The following DNAJC15 variants were observed in gnomAD, a reference collection of about 807,000 sequenced individuals.
The protein encoded by DNAJC15 is dnaJ homolog subfamily C member 15.
Under a neutral mutation model 22.4 loss-of-function variants are expected in DNAJC15, and 27 were observed. The observed-to-expected ratio is 1.20, with a 90% CI of 0.89 to 1.66. DNAJC15 has a LOEUF of 1.66. DNAJC15 is among the 40% of genes most tolerant of loss of function. The probability of loss-of-function intolerance (pLI) is 0.00; values close to 1 mark genes in which losing one functional copy is unlikely to be tolerated. For synonymous variants in DNAJC15, 79 were observed against 63.2 expected, an observed-to-expected ratio of 1.25 and a Z score of -1.19; for missense variants, 208 against 187.1, an observed-to-expected ratio of 1.11 and a Z score of -0.65.
chr13:43,090,370 G>A lies in DNAJC15; in HGVS notation c.382+4532G>A, dbSNP rs181959824. Among the ~76,000 whole-genome samples, 3 of 152,332 alleles carry A rather than the reference G, an allele frequency of 2.0e-5. No individual in the cohort carries two copies. The East Asian group carries it at 5.8e-4, about 29-fold the overall frequency. On this transcript the variant is annotated intron_variant, in intron 5 of 5. Coordinates refer to ENST00000379221, the MANE Select transcript of DNAJC15 (RefSeq NM_013238.3). ...ACTTCTAAGTTGGGTTTCAGTTTGT[G>A]TAAGTACTAAGTTAGGTTGTAGTTC...
intron 5 of DNAJC15, among the ~76,000 whole-genome samples, chr13:43,095,357 G>T (rs1287149250): frequency 1.3e-5 from 2 of 152,158 alleles, no homozygotes; most frequent in Admixed American, 1.3e-4. Flanking sequence ...ACTGAAATGG[G>T]GATGATCTAG....
intron 1 of DNAJC15, among the ~76,000 whole-genome samples, chr13:43,033,041 C>A (rs1257304437): frequency 6.6e-6 from 1 of 152,102 alleles, no homozygotes; most frequent in East Asian, 1.9e-4. Context: ...GTGCTGCATA[C>A]CCCCAGAAAA....
intron 1 of DNAJC15, among the ~76,000 whole-genome samples, chr13:43,056,876 C>A (rs1266541252): frequency 1.3e-5 from 2 of 152,096 alleles, no homozygotes. Context: ...CTTTTGCTAC[C>A]CCTTTATCTT....
chr13:43,040,370 CTTTTTGACTT>C (rs1406932532), intron 1 of DNAJC15, among the ~76,000 whole-genome samples: 1 of 152,132 alleles, frequency 6.6e-6, no homozygotes, highest in Non-Finnish European at 1.5e-5. Context: ...ATTTTTGTCT[CTTTTTGACTT>C]ACCTGTTTAT....
rs1272329661 is a variant in DNAJC15, at chr13:43,085,791, T to C, written c.335T>C (p.Ile112Thr). Residue 112 changes from isoleucine to threonine, a missense_variant, in exon 5 of 6, where the codon ATT becomes ACT. By Grantham distance (89) the Ile-to-Thr change is moderately conservative. Transcript: ENST00000379221. Reference protein sequence around the residue: ...GVSPSAGKAKIRTAHRRVMIL... With the variant: ...GVSPSAGKAKTRTAHRRVMIL... ...AGCCCATCTGCTGGCAAGGCTAAGATTAGAACAGCTCATAGGAGAGTCATG... is the reference window on the plus strand; with the variant it reads ...AGCCCATCTGCTGGCAAGGCTAAGACTAGAACAGCTCATAGGAGAGTCATG... 2 of 1,613,394 alleles carry C rather than the reference T, an allele frequency of 1.2e-6. No individual in the cohort carries two copies. The highest frequency in any genetic ancestry group is 1.3e-5 in the African/African-American group (1 of 74,910).
chr13:43,105,533 G>A (rs1414943582), intron 5 of DNAJC15, among the ~76,000 whole-genome samples: 2 of 152,084 alleles, frequency 1.3e-5, no homozygotes, highest in Non-Finnish European at 2.9e-5. Flanking sequence ...AGAATTCAAC[G>A]TTATTCTGAA....
At chr13:43,071,386 C>A (rs181709527) in intron 3 of DNAJC15, among the ~76,000 whole-genome samples, 25 of 152,230 alleles carry the variant, frequency 1.6e-4, no homozygotes, top group African/African-American at 6.0e-4. Context: ...TAAGAAACTT[C>A]GCCTTCAATA....
chr13:43,055,614 T>C (rs2040526899), intron 1 of DNAJC15, among the ~76,000 whole-genome samples: 1 of 152,188 alleles, frequency 6.6e-6, no homozygotes, highest in African/African-American at 2.4e-5. Context: ...ATTTGGATCT[T>C]CTCTCTTCTT....
At chr13:43,061,726 T>C (rs142711414) in intron 1 of DNAJC15, among the ~76,000 whole-genome samples, 1 of 152,380 alleles carries the variant, frequency 6.6e-6, no homozygotes, top group East Asian at 1.9e-4. Flanking sequence ...AACTCACTTA[T>C]CACCAAGGGA....
chr13:43,034,035 A>AG (rs2040415958), intron 1 of DNAJC15, among the ~76,000 whole-genome samples: 1 of 151,574 alleles, frequency 6.6e-6, no homozygotes, highest in Non-Finnish European at 1.5e-5. Context: ...TCTCAAAAAA[A>AG]AAAAAAAAAG....
chr13:43,047,387 G>A (rs761242066), intron 1 of DNAJC15, among the ~76,000 whole-genome samples: 39 of 152,152 alleles, frequency 2.6e-4, no homozygotes, highest in Admixed American at 6.5e-4. Flanking sequence ...AGAGGTGAGT[G>A]AAGAAAGCTT....
chr13:43,065,848 A>G (rs1164710713), intron 2 of DNAJC15, 111 bp downstream of exon 2: 2 of 867,156 alleles, frequency 2.3e-6, no homozygotes, highest in East Asian at 2.5e-5. Context: ...TTTCAGACAT[A>G]ATACATTCTC....
chr13:43,085,381 A>C (rs560060223), intron 4 of DNAJC15, among the ~76,000 whole-genome samples: 5 of 151,738 alleles, frequency 3.3e-5, no homozygotes, highest in African/African-American at 7.3e-5. Context: ...GGGGGGGGAA[A>C]GTCCAGCAGT....
intron 3 of DNAJC15, among the ~76,000 whole-genome samples, chr13:43,070,978 C>T (rs927917019): frequency 2.6e-5 from 4 of 152,108 alleles, no homozygotes; most frequent in African/African-American, 9.7e-5. Context: ...GACACAGTAA[C>T]ATAGTTCTTT....
chr13:43,023,762 T>C (rs1284649627), intron 1 of DNAJC15, 28 bp downstream of exon 1: 5 of 1,573,320 alleles, frequency 3.2e-6, no homozygotes, highest in East Asian at 2.3e-5. Flanking sequence ...CCCCCACCCC[T>C]CTCTGGCTCC....
chr13:43,081,029 T>A (rs935177818), intron 4 of DNAJC15, among the ~76,000 whole-genome samples: 19 of 152,228 alleles, frequency 1.2e-4, no homozygotes, highest in African/African-American at 4.6e-4. Flanking sequence ...TAACCTATTT[T>A]AAAAATACTG....
At chr13:43,054,688 G>A (rs2040521141) in intron 1 of DNAJC15, among the ~76,000 whole-genome samples, 1 of 152,054 alleles carries the variant, frequency 6.6e-6, no homozygotes, top group African/African-American at 2.4e-5. Flanking sequence ...TAGTTTCTCT[G>A]TGTAAGGGTG....
In DNAJC15 at chr13:43,107,890, A is replaced by T. The variant is rs1165183564; in HGVS notation, c.*642A>T. ...GTTTACAAAATGAGCCCTGTGAGGA[A>T]AGGTTGAGAGAAGTCTGAGGAGTTT... On this transcript the variant is annotated 3_prime_UTR_variant, in exon 6 of 6. Transcript: ENST00000379221. 1 of 152,332 alleles carries T rather than the reference A, an allele frequency of 6.6e-6. No homozygotes were observed. The highest frequency in any genetic ancestry group is 2.4e-5 in the African/African-American group (1 of 41,468). 9.4% of individuals were successfully genotyped at this position (152,332 alleles called of 1,614,324 possible).
At chr13:43,024,221 C>T (rs988783284) in intron 1 of DNAJC15, among the ~76,000 whole-genome samples, 2 of 151,892 alleles carry the variant, frequency 1.3e-5, no homozygotes, top group African/African-American at 2.4e-5. Flanking sequence ...AGAAACAGGG[C>T]CCAGTTGGAA....
Sources: allele counts gnomAD v4.1 joint callset (sites outside exome capture counted in the v4.1 genomes callset), GRCh38; gene constraint gnomAD v4.1.1; transcripts MANE v1.5; gene names NCBI Gene and HGNC (gene_info 2026-07-23, HGNC 2026-07-21).